PHIP: variants seen among roughly 807,000 people sequenced by gnomAD.
PHIP encodes the protein PHIP subunit of CUL4-Ring ligase complex.
PHIP carries 54 observed loss-of-function variants against 236.8 expected under a neutral mutation model. The ratio of observed to expected loss-of-function variants is 0.23; its 90% CI spans 0.18 to 0.29. The LOEUF (loss-of-function observed/expected upper bound fraction) is 0.29, where lower values mean the gene tolerates loss of function less well. Ranked by LOEUF, PHIP falls within the 10% of genes least tolerant of loss-of-function variation. The pLI is 1.00. For synonymous variants in PHIP, 756 were observed against 718.9 expected (o/e 1.05, Z -0.83); for missense variants, 1,370 against 2,190.8 (o/e 0.63, Z 7.48).
At chr6:79,024,049 C>T (rs545959011) in intron 9 of PHIP, among the ~76,000 whole-genome samples, 74 of 152,218 alleles carry the variant, frequency 4.9e-4, no homozygotes, top group Admixed American at 7.8e-4. Context: ...ACTTTAAATA[C>T]GAGGGATGCA....
chr6:78,946,431 G>A (rs1391870885), intron 37 of PHIP, 171 bp from the exon 38 acceptor site: 3 of 1,402,362 alleles, frequency 2.1e-6, no homozygotes, highest in African/African-American at 2.9e-5. Context: ...ATTTAGTGAA[G>A]GATCGCTGTA....
chr6:78,935,440 CCAT>C lies in PHIP; in HGVS notation c.*5250_*5252del. 1.1e-6 allele frequency: 1 copy of C among 910,884 alleles called. No homozygotes were observed. Among genetic ancestry groups the C allele is most frequent in the Non-Finnish European group, 1.3e-6 (1 of 762,094 alleles). 56.4% of individuals were successfully genotyped at this position (910,884 alleles called of 1,614,324 possible). On this transcript the variant is annotated 3_prime_UTR_variant, in exon 40 of 40. Transcript: ENST00000275034. ...TAGGAAAACTGCAATAACCTTCTTT[CCAT>C]CATTCCTTTTTTCCCAGAAATTGCA...
At chr6:79,028,855 T>A (rs1455636834) in intron 7 of PHIP, among the ~76,000 whole-genome samples, 1 of 152,226 alleles carries the variant, frequency 6.6e-6, no homozygotes, top group Non-Finnish European at 1.5e-5. Flanking sequence ...ACTATAAAGA[T>A]GCTTCACATA....
chr6:78,979,722 T>C (rs917041453), intron 23 of PHIP, among the ~76,000 whole-genome samples: 1 of 152,094 alleles, frequency 6.6e-6, no homozygotes, highest in African/African-American at 2.4e-5. Flanking sequence ...TAAAGTCTTT[T>C]GTGAATCACA....
Position 78,963,075 on chromosome 6 carries a change from A to G in PHIP, c.3535+22T>C, listed in dbSNP as rs750554541. On this transcript the variant is annotated intron_variant, in intron 30 of 39. Coordinates refer to ENST00000275034, the MANE Select transcript of PHIP (RefSeq NM_017934.7). The stretch of plus-strand genomic sequence containing the variant: ...TTTGTGTTCTGCCAGTTTTTTCTAT[A>G]CTCGCGTGTTGCTTTACTTACCTAG... 1.9e-6 allele frequency: 3 copies of G among 1,553,272 alleles called. No homozygotes were observed. The South Asian group carries it at 3.7e-5, about 19-fold the overall frequency.
At chr6:79,021,766 T>A (rs1055139014) in intron 9 of PHIP, among the ~76,000 whole-genome samples, 5 of 152,132 alleles carry the variant, frequency 3.3e-5, no homozygotes, top group Non-Finnish European at 5.9e-5. Context: ...GGATGGTTAA[T>A]GAGTACAAAA....
In PHIP at chr6:78,935,332, CT is replaced by C. The variant is rs1773231639; in HGVS notation, c.*5360del. 1 of 159,008 alleles carries C rather than the reference CT, an allele frequency of 6.3e-6. No individual in the cohort carries two copies. The highest frequency in any genetic ancestry group is 2.4e-5 in the African/African-American group (1 of 41,630). 9.8% of individuals were successfully genotyped at this position (159,008 alleles called of 1,614,324 possible). A position where few individuals can be genotyped will look rare whatever the true frequency, so the allele number is the denominator to read the frequency against. On this transcript the variant is annotated 3_prime_UTR_variant, in exon 40 of 40. Transcript: ENST00000275034. ...TGTGCTTAATTTGAAATGTTATGGCCTTATGTATTCATATCTAATGGTCTTC... is the reference window on the plus strand; with the variant it reads ...TGTGCTTAATTTGAAATGTTATGGCCTATGTATTCATATCTAATGGTCTTC...
At chr6:78,976,053 G>A (rs1471735267) in intron 24 of PHIP, among the ~76,000 whole-genome samples, 2 of 151,956 alleles carry the variant, frequency 1.3e-5, no homozygotes, top group African/African-American at 4.8e-5. Flanking sequence ...CCAAAAAAGG[G>A]CCCGCATTGC....
At chr6:78,980,788 G>C (rs1669636839) in intron 23 of PHIP, among the ~76,000 whole-genome samples, 1 of 151,946 alleles carries the variant, frequency 6.6e-6, no homozygotes, top group Non-Finnish European at 1.5e-5. Flanking sequence ...AAGTTTGTTT[G>C]AAAAAGGTTT....
At position 78,971,857 on chromosome 6, in the gene PHIP, G is replaced by A. The variant is rs536500441; in HGVS notation, c.2890-969C>T. Among the ~76,000 whole-genome samples the A allele has an allele frequency of 1.7e-3, 255 of 151,788 alleles. 1 individual carries two copies. Among genetic ancestry groups the A allele is most frequent in the South Asian group, 8.1e-3 (39 of 4,798 alleles). On this transcript the variant is annotated intron_variant, in intron 24 of 39. Coordinates refer to ENST00000275034, the MANE Select transcript of PHIP (RefSeq NM_017934.7). ...ACGGCGCACCACGAAATTATATCCCGCACCTGGCTCGGAGGGTCCTACCCC... is the reference window on the plus strand; with the variant it reads ...ACGGCGCACCACGAAATTATATCCCACACCTGGCTCGGAGGGTCCTACCCC...
chr6:78,991,640 TC>T (rs1330284273), intron 19 of PHIP, among the ~76,000 whole-genome samples: 1 of 152,170 alleles, frequency 6.6e-6, no homozygotes, highest in Non-Finnish European at 1.5e-5. Context: ...AATTTAATTC[TC>T]CCTTAAGATT....
chr6:78,995,136 T>C (rs1292722207), intron 19 of PHIP, among the ~76,000 whole-genome samples: 1 of 152,200 alleles, frequency 6.6e-6, no homozygotes, highest in Non-Finnish European at 1.5e-5. Flanking sequence ...AGGATGTACT[T>C]TGAAATTATT....
chr6:78,946,294 T>C lies in PHIP; in HGVS notation c.4371-34A>G, dbSNP rs1163143294. On this transcript the variant is annotated intron_variant, in intron 37 of 39. Coordinates refer to ENST00000275034, the MANE Select transcript of PHIP (RefSeq NM_017934.7). The stretch of plus-strand genomic sequence containing the variant: ...AAAATAGTATTGTCAGTCACTCTTA[T>C]AGCTCTATGTGAACGAATAAAACAG... 8 of 1,567,628 alleles carry C rather than the reference T, an allele frequency of 5.1e-6. No homozygotes were observed. In the African/African-American group the frequency reaches 6.9e-5, roughly 13 times the overall value.
At chr6:78,945,728 C>T (rs889849169) in intron 38 of PHIP, 13 of 601,366 alleles carry the variant, frequency 2.2e-5, no homozygotes, top group Admixed American at 7.8e-5. Context: ...GAAGGCAAGT[C>T]TTGGCAAATT....
rs755034981 is a variant in PHIP at position 78,997,588 on chromosome 6, C to T, written c.2027G>A (p.Ser676Asn). Residue 676 changes from serine to asparagine, a missense_variant, in exon 19 of 40, where the codon AGT becomes AAT. This residue lies in a region of PHIP where 133 missense variants were observed against 245.2 expected (regional missense o/e 0.54). Transcript: ENST00000275034. ...NTSRLSRGSI[S>N]STSEVHSPPN... ...TGGTGAATGAACCTCTGAGGTAGAA[C>T]TTATGGAGCCTAAGTGAAAAAGTTA... is the stretch of plus-strand genomic sequence containing the variant. The T allele has an allele frequency of 4.3e-6, 7 of 1,612,210 alleles. No homozygotes were observed. The Admixed American group carries it at 6.7e-5, about 15-fold the overall frequency.
chr6:79,023,693 G>A (rs1344525818), intron 9 of PHIP, among the ~76,000 whole-genome samples: 1 of 151,836 alleles, frequency 6.6e-6, no homozygotes, highest in Non-Finnish European at 1.5e-5. Flanking sequence ...TTAGGGTAGT[G>A]GTTTATATGT....
intron 4 of PHIP, 142 bp downstream of exon 4, chr6:79,077,306 G>T: frequency 2.6e-6 from 2 of 771,004 alleles, no homozygotes; most frequent in South Asian, 2.8e-5. Context: ...CAGACCCCGC[G>T]CCGGCCTCCC....
chr6:78,958,743 G>A, intron 31 of PHIP, 143 bp from the exon 32 acceptor site: 1 of 625,582 alleles, frequency 1.6e-6, no homozygotes, highest in Non-Finnish European at 2.8e-6. Context: ...CATTTTCAAA[G>A]CAGCATAACT....
At chr6:79,056,993 G>A (rs1773107973) in intron 6 of PHIP, among the ~76,000 whole-genome samples, 1 of 152,102 alleles carries the variant, frequency 6.6e-6, no homozygotes, top group South Asian at 2.1e-4. Context: ...AGAATAAACA[G>A]GTATTATTTA....
Sources: allele counts gnomAD v4.1 joint callset (sites outside exome capture counted in the v4.1 genomes callset), GRCh38; gene constraint gnomAD v4.1.1; regional missense constraint gnomAD v4.1.1; transcripts MANE v1.5; gene names NCBI Gene and HGNC (gene_info 2026-07-23, HGNC 2026-07-21).